The following MYT1L variants were observed in gnomAD, a reference collection of about 807,000 sequenced individuals.
MYT1L encodes myelin transcription factor 1 like, also known as myelin transcription factor 1-like protein.
In MYT1L, 12 loss-of-function variants were observed where a neutral mutation model predicts 126.7. The observed-to-expected ratio is 0.09, with a 90% confidence interval of 0.06 to 0.15. The LOEUF (loss-of-function observed/expected upper bound fraction) is 0.15, where lower values mean the gene tolerates loss of function less well. Among genes scored for constraint, MYT1L ranks in the 10% least tolerant of loss-of-function variants. The pLI, the probability that MYT1L is intolerant of heterozygous loss-of-function variation, is 1.00. For synonymous variants in MYT1L, 541 were observed against 604.2 expected (o/e 0.90, Z 1.53); for missense variants, 979 against 1,585.2 (o/e 0.62, Z 6.49).
In MYT1L at chr2:1,796,718, C is replaced by T. The variant is rs377552475; in HGVS notation, c.3277-4254G>A. Among the ~76,000 whole-genome samples, 203 of 152,302 alleles carry T rather than the reference C, an allele frequency of 1.3e-3. 2 individuals are homozygous for T. The highest frequency in any genetic ancestry group is 4.4e-3 in the African/African-American group (182 of 41,562). On this transcript the variant is annotated intron_variant, in intron 23 of 24. Transcript: ENST00000647738. ...CCGGCTCCGAGCCATCCTCCTTCTG[C>T]TCCTGCTGTTTCCTGTGCCTGGAGT...
chr2:1,830,054 G>A (rs542563209), intron 21 of MYT1L, among the ~76,000 whole-genome samples: 1 of 152,212 alleles, frequency 6.6e-6, no homozygotes, highest in South Asian at 2.1e-4. Flanking sequence ...CCCACGCACA[G>A]ACATTGCAAT....
At position 1,809,090 on chromosome 2, in the gene MYT1L, T is replaced by C; in HGVS notation, c.3158A>G (p.Gln1053Arg). The change falls in exon 22 of 25, where the codon CAG (glutamine) becomes CGG (arginine). Residue 1053 changes from glutamine to arginine, a missense_variant. Around this residue, in one of 12 missense-constraint regions of MYT1L, gnomAD observed 179 missense variants for 398.6 expected, o/e 0.45. Transcript: ENST00000647738. ...GGGGTGCTCACCGTTGCTGGCCCGC[T>C]GTTTGATGGTCAGCATCTGCTCTCC... Reference protein sequence around the residue: ...LSGEQMLTIKQRASNGIENDE... With the variant: ...LSGEQMLTIKRRASNGIENDE... The C allele has an allele frequency of 6.2e-7, 1 of 1,613,910 alleles. No individual in the cohort carries two copies. The highest frequency in any genetic ancestry group is 8.5e-7 in the Non-Finnish European group (1 of 1,179,862).
intron 3 of MYT1L, among the ~76,000 whole-genome samples, chr2:2,124,029 G>C (rs752097461): frequency 2.6e-5 from 4 of 152,200 alleles, no homozygotes; most frequent in African/African-American, 4.8e-5. Context: ...AATCATCTGT[G>C]ATGTTGAAAC....
At chr2:2,265,764 GA>G (rs2095111858) in intron 2 of MYT1L, among the ~76,000 whole-genome samples, 4 of 152,162 alleles carry the variant, frequency 2.6e-5, no homozygotes, top group Admixed American at 2.6e-4. Context: ...TACATGAAGA[GA>G]AGTTCACGGT....
intron 18 of MYT1L, among the ~76,000 whole-genome samples, chr2:1,869,236 C>A (rs565577607): frequency 1.3e-5 from 2 of 150,926 alleles, no homozygotes; most frequent in South Asian, 2.1e-4. Context: ...TGCCACTGTA[C>A]CTCCACCAGA....
At chr2:2,322,676 G>A (rs1395081537) in intron 1 of MYT1L, among the ~76,000 whole-genome samples, 1 of 152,012 alleles carries the variant, frequency 6.6e-6, no homozygotes, top group Non-Finnish European at 1.5e-5. Flanking sequence ...GGCTTTCAGG[G>A]ATCTCTGCAT....
intron 2 of MYT1L, among the ~76,000 whole-genome samples, chr2:2,278,093 C>T (rs1573084033): frequency 6.6e-6 from 1 of 152,234 alleles, no homozygotes; most frequent in African/African-American, 2.4e-5. Flanking sequence ...AAATTTAAAG[C>T]GGAAAGTAAA....
At chr2:1,941,645 C>G (rs767378752) in intron 9 of MYT1L, among the ~76,000 whole-genome samples, 1 of 151,678 alleles carries the variant, frequency 6.6e-6, no homozygotes, top group African/African-American at 2.4e-5. Context: ...TCTTGGGAGA[C>G]TAATTTTAAT....
rs1053877638 is a variant in MYT1L, at chr2:2,126,334, C to T, written c.-304+46538G>A. ...GCACTAGAATTGTTCCAAATTAAAG[C>T]AATCCCATAGCTCCAACTGTAAAGA... On this transcript the variant is annotated intron_variant, in intron 3 of 24. Transcript: ENST00000647738. Among the ~76,000 whole-genome samples, 8 of 152,310 alleles carry T rather than the reference C, an allele frequency of 5.3e-5. No homozygotes were observed. The East Asian group carries it at 1.5e-3, about 29-fold the overall frequency.
In MYT1L at chr2:1,979,766, GTCCACC is replaced by G; in HGVS notation, c.6_11del (p.Glu2_Val3del). The G allele has an allele frequency of 2.5e-6, 4 of 1,613,944 alleles. No individual in the cohort carries two copies. The highest frequency in any genetic ancestry group is 3.4e-6 in the Non-Finnish European group (4 of 1,179,904). ...GCGTGCGATGCCGCTTCTCCTCGGT[GTCCACC>G]TCCATCTGGGGATAGATTAGCAGCC... On this transcript the variant is annotated inframe_deletion, in exon 6 of 25. Transcript: ENST00000647738. The surrounding 1 kb of genome is among the most constrained non-coding windows in gnomAD (Gnocchi z 4.0).
At chr2:1,866,307 A>T (rs1210096281) in intron 18 of MYT1L, among the ~76,000 whole-genome samples, 3 of 152,120 alleles carry the variant, frequency 2.0e-5, no homozygotes, top group Non-Finnish European at 4.4e-5. Flanking sequence ...GGCTCCACAG[A>T]CACCTCTGGC....
At chr2:2,188,367 C>T (rs1297410919) in intron 2 of MYT1L, among the ~76,000 whole-genome samples, 1 of 152,202 alleles carries the variant, frequency 6.6e-6, no homozygotes, top group African/African-American at 2.4e-5. Flanking sequence ...TCCTTTCAAG[C>T]TGGGGGAACA....
chr2:1,956,648 TTATC>T lies in MYT1L; in HGVS notation c.153-13318_153-13315del, dbSNP rs764538375. Among the ~76,000 whole-genome samples, 147 of 150,434 alleles carry T rather than the reference TTATC, an allele frequency of 9.8e-4. 1 individual carries two copies. The highest frequency in any genetic ancestry group is 1.8e-3 in the Admixed American group (28 of 15,164). Reference sequence around the variant, plus strand: ...CCTACCTACCTATCTAGCTATCTATTTATCTATCTATCATCTATCTATCATCATC... The same window carrying T: ...CCTACCTACCTATCTAGCTATCTATTTATCTATCATCTATCTATCATCATC... On this transcript the variant is annotated intron_variant, in intron 8 of 24. Transcript: ENST00000647738.
At chr2:2,074,346 A>C (rs2074976642) in intron 3 of MYT1L, among the ~76,000 whole-genome samples, 1 of 152,242 alleles carries the variant, frequency 6.6e-6, no homozygotes, top group South Asian at 2.1e-4. Context: ...GAAGTTTTCT[A>C]ACCAAACTGA....
At chr2:1,937,727 G>A (rs555239133) in intron 9 of MYT1L, among the ~76,000 whole-genome samples, 3 of 151,780 alleles carry the variant, frequency 2.0e-5, no homozygotes, top group African/African-American at 7.3e-5. Flanking sequence ...AGGCCCTAAC[G>A]TCCACAGCCA....
chr2:2,315,212 A>C (rs564140138), intron 1 of MYT1L, among the ~76,000 whole-genome samples: 1 of 152,140 alleles, frequency 6.6e-6, no homozygotes, highest in Non-Finnish European at 1.5e-5. Context: ...TTGGGTCCTC[A>C]GCTGGATTTT....
At chr2:1,854,264 G>GA (rs1240204592) in intron 18 of MYT1L, among the ~76,000 whole-genome samples, 2 of 151,988 alleles carry the variant, frequency 1.3e-5, no homozygotes, top group Non-Finnish European at 2.9e-5. Flanking sequence ...GGTGGCGGGG[G>GA]AACACTGTGA....
chr2:2,110,505 T>C (rs1263655332), intron 3 of MYT1L, among the ~76,000 whole-genome samples: 3 of 152,014 alleles, frequency 2.0e-5, no homozygotes, highest in African/African-American at 7.2e-5. Flanking sequence ...CTCACTCGAT[T>C]GGCTCTTCTC....
intron 3 of MYT1L, among the ~76,000 whole-genome samples, chr2:2,068,850 G>A (rs1356120937): frequency 1.5e-5 from 2 of 134,636 alleles, no homozygotes; most frequent in East Asian, 4.7e-4. Context: ...GGGAGGGGGA[G>A]TCACAATTAC....
Sources: allele counts gnomAD v4.1 joint callset (sites outside exome capture counted in the v4.1 genomes callset), GRCh38; gene constraint gnomAD v4.1.1; regional missense constraint gnomAD v4.1.1; non-coding constraint Gnocchi (gnomAD v3.1); transcripts MANE v1.5; gene names NCBI Gene and HGNC (gene_info 2026-07-23, HGNC 2026-07-21).